Variants in TMTC1 observed in about 807,000 individuals in gnomAD.
TMTC1 encodes the protein transmembrane O-mannosyltransferase targeting cadherins 1, also known as protein O-mannosyl-transferase TMTC1.
Under a neutral mutation model 104.8 loss-of-function variants are expected in TMTC1, and 73 were observed. That is an observed-to-expected ratio of 0.70 (90% CI 0.58 to 0.85). The LOEUF is 0.85. Ranked by LOEUF, TMTC1 falls within the 40% of genes least tolerant of loss-of-function variation. The pLI is 0.00. For synonymous variants in TMTC1, 434 were observed against 428.7 expected (o/e 1.01, Z -0.15); for missense variants, 1,035 against 1,096.1 (o/e 0.94, Z 0.79).
At chr12:29,717,729 A>G (rs187863897) in intron 5 of TMTC1, among the ~76,000 whole-genome samples, 1 of 152,362 alleles carries the variant, frequency 6.6e-6, no homozygotes, top group East Asian at 1.9e-4. Context: ...AACTTGATAG[A>G]GTCATAATCA....
chr12:29,747,504 A>G (rs981051049), intron 5 of TMTC1, among the ~76,000 whole-genome samples: 1 of 152,180 alleles, frequency 6.6e-6, no homozygotes, highest in African/African-American at 2.4e-5. Flanking sequence ...AACTTCTGAA[A>G]ACAATATTTT....
At chr12:29,666,479 C>T (rs895913095) in intron 5 of TMTC1, among the ~76,000 whole-genome samples, 3 of 151,984 alleles carry the variant, frequency 2.0e-5, no homozygotes, top group Admixed American at 6.6e-5. Context: ...GTGATCCACC[C>T]GCCTCTGCCT....
intron 5 of TMTC1, among the ~76,000 whole-genome samples, chr12:29,727,001 A>AT (rs1437374984): frequency 2.0e-5 from 3 of 152,232 alleles, no homozygotes; most frequent in Non-Finnish European, 4.4e-5. Flanking sequence ...CAGCAGGGGT[A>AT]TAACTCTGCT....
chr12:29,766,487 A>G (rs968297537), intron 2 of TMTC1, among the ~76,000 whole-genome samples: 1 of 152,194 alleles, frequency 6.6e-6, no homozygotes, highest in African/African-American at 2.4e-5. Flanking sequence ...ACAGGGAGAG[A>G]TGTGAAGCCC....
chr12:29,778,898 G>A (rs1281172541), intron 1 of TMTC1, among the ~76,000 whole-genome samples: 1 of 152,172 alleles, frequency 6.6e-6, no homozygotes, highest in East Asian at 1.9e-4. Flanking sequence ...AAGCCAGCAG[G>A]GCAGCAGGGC....
chr12:29,506,624 C>T lies in TMTC1; in HGVS notation c.*222G>A. 1 of 543,162 alleles carries T rather than the reference C, an allele frequency of 1.8e-6. No individual in the cohort carries two copies. Among genetic ancestry groups the T allele is most frequent in the East Asian group, 3.1e-5 (1 of 32,638 alleles). The allele number at this position is 543,162 out of a possible 1,614,324, so 33.6% of individuals were successfully genotyped here. A position where few individuals can be genotyped will look rare whatever the true frequency, so the allele number is the denominator to read the frequency against. ...AATGTGTAAATGTCATTCTCCTTCC[C>T]TCTCAGACCTTCTTGCCCTTGTTTG... is the stretch of plus-strand genomic sequence containing the variant. On this transcript the variant is annotated 3_prime_UTR_variant, in exon 18 of 18. Transcript: ENST00000539277.
intron 5 of TMTC1, among the ~76,000 whole-genome samples, chr12:29,710,985 A>AT (rs1478398590): frequency 2.1e-3 from 118 of 55,924 alleles, no homozygotes; most frequent in East Asian, 0.014. Context: ...AAATATATAT[A>AT]TATTTTTTCC....
chr12:29,609,788 C>T (rs546462334), intron 6 of TMTC1: 2 of 152,326 alleles, frequency 1.3e-5, no homozygotes, highest in Admixed American at 6.5e-5. Context: ...ACAAATGTGC[C>T]TTTGTCTCAC....
At chr12:29,560,980 C>G (rs1945362601) in intron 9 of TMTC1, among the ~76,000 whole-genome samples, 1 of 152,094 alleles carries the variant, frequency 6.6e-6, no homozygotes, top group Admixed American at 6.5e-5. Context: ...CAGACATTGT[C>G]TCATTTACCC....
At chr12:29,668,659 C>T (rs1353999709) in intron 5 of TMTC1, among the ~76,000 whole-genome samples, 1 of 151,978 alleles carries the variant, frequency 6.6e-6, no homozygotes, top group African/African-American at 2.4e-5. Flanking sequence ...CAGGGTTTTG[C>T]CATGTTGGCC....
At chr12:29,651,585 C>T (rs1939520821) in intron 5 of TMTC1, among the ~76,000 whole-genome samples, 1 of 152,228 alleles carries the variant, frequency 6.6e-6, no homozygotes, top group African/African-American at 2.4e-5. Context: ...CAGCTCAGAA[C>T]ACAGAGTCAC....
In TMTC1 at chr12:29,569,645, T is replaced by A. The variant is rs554137406; in HGVS notation, c.1532+2460A>T. On this transcript the variant is annotated intron_variant, in intron 9 of 17. Coordinates refer to ENST00000539277, the MANE Select transcript of TMTC1 (RefSeq NM_001193451.2). ...ATGATGAATAGCTCTGGTATTTTCC[T>A]TTTCCCTCTAACACAAAGAGTGACA... Among the ~76,000 whole-genome samples the A allele has an allele frequency of 5.3e-5, 8 of 152,286 alleles. No homozygotes were observed. The East Asian group carries it at 1.5e-3, about 29-fold the overall frequency.
chr12:29,772,465 G>A (rs1315223812), intron 1 of TMTC1, among the ~76,000 whole-genome samples: 1 of 152,064 alleles, frequency 6.6e-6, no homozygotes, highest in African/African-American at 2.4e-5. Context: ...AAGAAAAATG[G>A]GAGAAAGCAT....
chr12:29,778,745 T>A (rs1943768306), intron 1 of TMTC1, among the ~76,000 whole-genome samples: 1 of 152,200 alleles, frequency 6.6e-6, no homozygotes, highest in Non-Finnish European at 1.5e-5. Context: ...TTTGTATCAG[T>A]TAGGGTTAGA....
At chr12:29,721,048 A>T (rs1029515544) in intron 5 of TMTC1, among the ~76,000 whole-genome samples, 2 of 152,192 alleles carry the variant, frequency 1.3e-5, no homozygotes, top group African/African-American at 4.8e-5. Flanking sequence ...TCCCTAAAAA[A>T]ATCTTCCAAA....
At chr12:29,626,729 T>C (rs1290696168) in intron 6 of TMTC1, among the ~76,000 whole-genome samples, 2 of 152,182 alleles carry the variant, frequency 1.3e-5, no homozygotes, top group South Asian at 2.1e-4. Context: ...GACCTTGGAT[T>C]TGGCCATGTA....
Position 29,783,694 on chromosome 12 carries a change from G to A in TMTC1, c.58C>T (p.Arg20Trp), listed in dbSNP as rs988961203. ...GGGDRTPSRR[R>W]GCGLAPAGAA... is the part of the protein sequence containing the mutation. ...CCGGCCGGCGCTAGCCCGCAGCCCC[G>A]CCGCCGGGAGGGTGTGCGGTCCCCG... Residue 20 changes from arginine to tryptophan, a missense_variant, in exon 1 of 18, where the codon CGG becomes TGG. Coordinates refer to ENST00000539277, the MANE Select transcript of TMTC1 (RefSeq NM_001193451.2). This position sits in a 1 kb window ranked among gnomAD's most constrained non-coding sequence, Gnocchi z 4.7. The A allele has an allele frequency of 1.0e-5, 13 of 1,263,498 alleles. No individual in the cohort carries two copies. Among genetic ancestry groups the A allele is most frequent in the African/African-American group, 3.1e-5 (2 of 64,162 alleles). The allele number at this position is 1,263,498 out of a possible 1,614,324, so 78.3% of individuals were successfully genotyped here.
chr12:29,582,791 G>A (rs561305937), intron 8 of TMTC1, among the ~76,000 whole-genome samples: 4 of 152,314 alleles, frequency 2.6e-5, no homozygotes, highest in African/African-American at 7.2e-5. Context: ...ACAGAAGCTT[G>A]GAAGAGGCCC....
chr12:29,740,040 G>A (rs777646802), intron 5 of TMTC1, among the ~76,000 whole-genome samples: 7 of 152,072 alleles, frequency 4.6e-5, no homozygotes, highest in African/African-American at 7.2e-5. Flanking sequence ...TTAAAGGGAT[G>A]AGGTCTCACA....
Sources: gnomAD v4.1 joint callset for allele counts (sites outside exome capture counted in the v4.1 genomes callset) on GRCh38, gnomAD v4.1.1 for gene constraint, Gnocchi (gnomAD v3.1) non-coding constraint, MANE v1.5 for transcripts, NCBI Gene and HGNC (gene_info 2026-07-23, HGNC 2026-07-21) for gene names.